The following POLR3F variants were observed in gnomAD, a reference collection of about 807,000 sequenced individuals.
POLR3F encodes RNA polymerase III subunit F, also known as DNA-directed RNA polymerase III subunit RPC6.
In POLR3F, 31 loss-of-function variants were observed where a neutral mutation model predicts 43.6. The observed-to-expected ratio is 0.71, with a 90% CI of 0.53 to 0.96. The LOEUF is 0.96. Among genes scored for constraint, POLR3F ranks in the 40% least tolerant of loss-of-function variants. The pLI, the probability that POLR3F is intolerant of heterozygous loss-of-function variation, is 0.00. For missense variants in POLR3F, 316 were observed against 391.7 expected (o/e 0.81, Z 1.63); for synonymous variants, 114 against 132.5 (o/e 0.86, Z 0.96).
At chr20:18,468,154 G>A (rs771592471) in intron 1 of POLR3F, among the ~76,000 whole-genome samples, 11 of 152,182 alleles carry the variant, frequency 7.2e-5, no homozygotes, top group South Asian at 2.1e-4. Flanking sequence ...TCGGTTCACT[G>A]CAATCTCCGC....
intron 2 of POLR3F, among the ~76,000 whole-genome samples, chr20:18,469,931 G>A (rs2059739162): frequency 6.6e-6 from 1 of 152,154 alleles, no homozygotes; most frequent in African/African-American, 2.4e-5. Flanking sequence ...GTCACTCTGA[G>A]CATTTCAGGA....
chr20:18,468,830 T>G (rs2059726931), intron 1 of POLR3F, 114 bp from the exon 2 acceptor site: 1 of 654,968 alleles, frequency 1.5e-6, no homozygotes, highest in African/African-American at 1.8e-5. Flanking sequence ...AAACCCAGAT[T>G]GTCTGCCAAA....
intron 5 of POLR3F, among the ~76,000 whole-genome samples, chr20:18,479,462 G>A (rs1170777164): frequency 1.3e-5 from 2 of 151,944 alleles, no homozygotes; most frequent in Non-Finnish European, 2.9e-5. Context: ...ACCAGTGCAC[G>A]CCAGCCTGGG....
intron 1 of POLR3F, 26 bp from the exon 2 acceptor site, chr20:18,468,918 G>A (rs2059728572): frequency 1.9e-6 from 2 of 1,061,844 alleles, no homozygotes; most frequent in African/African-American, 1.6e-5. Flanking sequence ...AACCATGAAG[G>A]ATAACATTAA....
intron 8 of POLR3F, among the ~76,000 whole-genome samples, chr20:18,483,051 ATAG>A (rs1214999103): frequency 1.3e-5 from 2 of 151,760 alleles, no homozygotes; most frequent in East Asian, 3.9e-4. Flanking sequence ...AGGCCCTATT[ATAG>A]TATGTTCTTC....
intron 2 of POLR3F, among the ~76,000 whole-genome samples, chr20:18,470,372 A>G (rs188689907): frequency 1.3e-5 from 2 of 152,186 alleles, no homozygotes; most frequent in Admixed American, 1.3e-4. Flanking sequence ...GCCAGACAGT[A>G]TATGTTTTAG....
intron 8 of POLR3F, among the ~76,000 whole-genome samples, chr20:18,482,823 C>T (rs886748464): frequency 3.5e-4 from 53 of 152,300 alleles, no homozygotes; most frequent in Admixed American, 1.8e-3. Flanking sequence ...AAAAGGCTAA[C>T]ATATTAGGAA....
chr20:18,471,707 G>T (rs1200613980), intron 2 of POLR3F, among the ~76,000 whole-genome samples: 2 of 152,180 alleles, frequency 1.3e-5, no homozygotes, highest in Non-Finnish European at 2.9e-5. Flanking sequence ...AATGGGCTGG[G>T]CACAGTGGCT....
At chr20:18,469,246 G>C in intron 2 of POLR3F, 185 bp downstream of exon 2, 1 of 572,518 alleles carries the variant, frequency 1.7e-6, no homozygotes. Flanking sequence ...ATTTTGAATT[G>C]GTGAACGGAG....
Position 18,483,725 on chromosome 20 carries a change from A to G in POLR3F, c.*167A>G. ...TTTTTTATTTATGAAGACTAAATTTATATTGGTAAAATAGCCAGTAGAATA... is the reference window on the plus strand; with the variant it reads ...TTTTTTATTTATGAAGACTAAATTTGTATTGGTAAAATAGCCAGTAGAATA... On this transcript the variant is annotated 3_prime_UTR_variant, in exon 9 of 9. Coordinates refer to ENST00000377603, the MANE Select transcript of POLR3F (RefSeq NM_006466.4). The G allele has an allele frequency of 4.6e-6, 2 of 430,866 alleles. No homozygotes were observed. The highest frequency in any genetic ancestry group is 8.1e-6 in the Non-Finnish European group (2 of 246,230). The allele number at this position is 430,866 out of a possible 1,614,324, so 26.7% of individuals were successfully genotyped here. A position where few individuals can be genotyped will look rare whatever the true frequency, so the allele number is the denominator to read the frequency against.
Position 18,467,483 on chromosome 20 carries a change from C to A in POLR3F, c.-24C>A, listed in dbSNP as rs558597200. ...CGGGCTGCTCCGTGCATCTTTCCCC[C>A]CAGGCGTCAGGAACTGCGCCCTCAT... On this transcript the variant is annotated 5_prime_UTR_variant, in exon 1 of 9. Coordinates refer to ENST00000377603, the MANE Select transcript of POLR3F (RefSeq NM_006466.4). The A allele has an allele frequency of 6.2e-7, 1 of 1,614,018 alleles. No individual in the cohort carries two copies. The highest frequency in any genetic ancestry group is 1.7e-5 in the Admixed American group (1 of 60,036).
chr20:18,475,087 G>T lies in POLR3F; in HGVS notation c.329G>T (p.Arg110Ile). 1 of 1,398,414 alleles carries T rather than the reference G, an allele frequency of 7.2e-7. No individual in the cohort carries two copies. The highest frequency in any genetic ancestry group is 1.2e-5 in the South Asian group (1 of 85,324). 86.6% of individuals were successfully genotyped at this position (1,398,414 alleles called of 1,614,324 possible). A position where few individuals can be genotyped will look rare whatever the true frequency, so the allele number is the denominator to read the frequency against. ...TACTTTCTTATAGGAATATGGAGCA[G>T]AGATATCCGCTATAAAAGTAATTTG... ...EDAGNKGIWSRDIRYKSNLPL... is the reference protein window; with the variant it reads ...EDAGNKGIWSIDIRYKSNLPL... Residue 110 changes from arginine (R) to isoleucine (I), a missense_variant, in exon 5 of 9, where the codon AGA becomes ATA. Physicochemically the swap from Arg to Ile is moderately conservative, Grantham distance 97 (BLOSUM62 -3). Transcript: ENST00000377603.
chr20:18,467,629 A>G (rs2059701420), intron 1 of POLR3F, 61 bp downstream of exon 1: 2 of 1,611,816 alleles, frequency 1.2e-6, no homozygotes, highest in South Asian at 1.1e-5. Context: ...GGGCAGCTGG[A>G]CCCCTTCTCC....
At position 18,483,751 on chromosome 20, in the gene POLR3F, T is replaced by G. The variant is rs1157492909; in HGVS notation, c.*193T>G. The G allele has an allele frequency of 2.3e-6, 1 of 428,642 alleles. No individual in the cohort carries two copies. Among genetic ancestry groups the G allele is most frequent in the Non-Finnish European group, 4.1e-6 (1 of 245,122 alleles). 26.6% of individuals were successfully genotyped at this position (428,642 alleles called of 1,614,324 possible). A position where few individuals can be genotyped will look rare whatever the true frequency, so the allele number is the denominator to read the frequency against. On this transcript the variant is annotated 3_prime_UTR_variant, in exon 9 of 9. Transcript: ENST00000377603. Reference sequence around the variant, plus strand: ...TATTGGTAAAATAGCCAGTAGAATATGAAAGAAATAAGGTTAGTAGTGAAA... The same window carrying G: ...TATTGGTAAAATAGCCAGTAGAATAGGAAAGAAATAAGGTTAGTAGTGAAA...
At chr20:18,471,388 G>A (rs1378909592) in intron 2 of POLR3F, among the ~76,000 whole-genome samples, 1 of 152,156 alleles carries the variant, frequency 6.6e-6, no homozygotes, top group Non-Finnish European at 1.5e-5. Context: ...CCTGTTCTCC[G>A]AGTACCCAAT....
At chr20:18,471,838 G>A (rs560150108) in intron 2 of POLR3F, among the ~76,000 whole-genome samples, 10 of 152,114 alleles carry the variant, frequency 6.6e-5, no homozygotes, top group African/African-American at 9.7e-5. Flanking sequence ...AAATATCAGC[G>A]TGGCATGGTG....
At chr20:18,480,291 G>A in intron 6 of POLR3F, 110 bp downstream of exon 6, 1 of 1,292,732 alleles carries the variant, frequency 7.7e-7, no homozygotes, top group Non-Finnish European at 1.1e-6. Flanking sequence ...CTGAAATTGG[G>A]AATTTTTACT....
In POLR3F at chr20:18,483,583, A is replaced by G. The variant is rs1450817842; in HGVS notation, c.*25A>G. 14 of 1,060,324 alleles carry G rather than the reference A, an allele frequency of 1.3e-5. No individual in the cohort carries two copies. The highest frequency in any genetic ancestry group is 1.8e-5 in the Non-Finnish European group (13 of 731,816). 65.7% of individuals were successfully genotyped at this position (1,060,324 alleles called of 1,614,324 possible). A position where few individuals can be genotyped will look rare whatever the true frequency, so the allele number is the denominator to read the frequency against. On this transcript the variant is annotated 3_prime_UTR_variant, in exon 9 of 9. Coordinates refer to ENST00000377603, the MANE Select transcript of POLR3F (RefSeq NM_006466.4). ...ATAGAGAGCTATGAACTTTATTGAC[A>G]TTTTGCAAATGAAGTTACTTAGGGA... is the stretch of plus-strand genomic sequence containing the variant.
chr20:18,474,857 G>C (rs1192078196), intron 4 of POLR3F, among the ~76,000 whole-genome samples: 1 of 152,046 alleles, frequency 6.6e-6, no homozygotes, highest in Non-Finnish European at 1.5e-5. Flanking sequence ...GCCACACTGG[G>C]ATTCCAAGAA....
Sources: gnomAD v4.1 joint callset for allele counts (sites outside exome capture counted in the v4.1 genomes callset) on GRCh38, gnomAD v4.1.1 for gene constraint, MANE v1.5 for transcripts, NCBI Gene and HGNC (gene_info 2026-07-23, HGNC 2026-07-21) for gene names.